Variants in SHOC1 observed in about 807,000 individuals in gnomAD.
SHOC1 encodes the protein shortage in chiasmata 1, also known as protein shortage in chiasmata 1 ortholog.
SHOC1 carries 136 observed loss-of-function variants against 179.2 expected under a neutral mutation model. The observed-to-expected ratio is 0.76, with a 90% CI of 0.66 to 0.87. The LOEUF is 0.87. SHOC1 is among the 40% of genes least tolerant of loss of function. The probability of loss-of-function intolerance (pLI) is 0.00; values close to 1 mark genes in which losing one functional copy is unlikely to be tolerated. For missense variants in SHOC1, 1,538 were observed against 1,700.8 expected (o/e 0.90, Z 1.68); for synonymous variants, 489 against 586.6 (o/e 0.83, Z 2.41).
chr9:111,691,452 A>G, intron 27 of SHOC1, 99 bp downstream of exon 27: 5 of 1,122,334 alleles, frequency 4.5e-6, no homozygotes, highest in Non-Finnish European at 6.2e-6. Flanking sequence ...AGTTTTTTAA[A>G]TGTAGTAATT....
intron 27 of SHOC1, among the ~76,000 whole-genome samples, chr9:111,691,222 C>A (rs1035905334): frequency 1.3e-5 from 2 of 152,154 alleles, no homozygotes; most frequent in African/African-American, 2.4e-5. Context: ...GTTAAATATA[C>A]CTGCTCCACA....
chr9:111,758,131 C>T lies in SHOC1; in HGVS notation c.661G>A (p.Val221Met), dbSNP rs182665280. 1.3e-6 allele frequency: 2 copies of T among 1,588,716 alleles called. No individual in the cohort carries two copies. The highest frequency in any genetic ancestry group is 1.7e-6 in the Non-Finnish European group (2 of 1,165,500). ...TCTAGTTTCTCTTGACAAAAGTTCACTTTATCCATACAAAAATCTTCTTTC... is the reference window on the plus strand; with the variant it reads ...TCTAGTTTCTCTTGACAAAAGTTCATTTTATCCATACAAAAATCTTCTTTC... ...FVKEDFCMDK[V>M]NFCQEKLEDT... Residue 221 changes from valine to methionine, a missense_variant, in exon 7 of 28, where the codon GTG becomes ATG. Coordinates refer to ENST00000682961, the MANE Select transcript of SHOC1 (RefSeq NM_001378211.1).
intron 11 of SHOC1, among the ~76,000 whole-genome samples, chr9:111,739,993 C>T (rs1370077007): frequency 6.6e-6 from 1 of 152,314 alleles, no homozygotes; most frequent in East Asian, 1.9e-4. Flanking sequence ...TAAATTAAAT[C>T]ACCACTATTT....
rs202197580 is a variant in SHOC1, at chr9:111,691,903, C to T, written c.4074G>A (p.Trp1358Ter). 67 of 1,613,760 alleles carry T rather than the reference C, an allele frequency of 4.2e-5. No homozygotes were observed. The highest frequency in any genetic ancestry group is 5.2e-5 in the Non-Finnish European group (61 of 1,179,954). The change falls in exon 27 of 28, where the codon TGG becomes TGA. Residue 1358 changes from tryptophan (W) to a stop codon, truncating the protein, a stop_gained. Transcript: ENST00000682961. LOFTEE classifies it high-confidence loss of function. ...GTTCCCATATATTTTTCTTAAAGTT[C>T]CAATGAAGAGGAGATTGAGTGCCCT... is the stretch of plus-strand genomic sequence containing the variant. ...SLEGTQSPLH[W>*]NFKKNIWEQE...
chr9:111,759,922 CT>C (rs1835064369), intron 5 of SHOC1, among the ~76,000 whole-genome samples: 1 of 152,106 alleles, frequency 6.6e-6, no homozygotes, highest in Admixed American at 6.5e-5. Context: ...ACTTAAGTTC[CT>C]GACAATCTCA....
At chr9:111,739,429 G>C (rs913949356) in intron 11 of SHOC1, among the ~76,000 whole-genome samples, 1 of 152,024 alleles carries the variant, frequency 6.6e-6, no homozygotes, top group Non-Finnish European at 1.5e-5. Context: ...TCCCTCCGAA[G>C]TTTTGTATCC....
At chr9:111,721,108 G>A (rs1188641838) in intron 15 of SHOC1, among the ~76,000 whole-genome samples, 1 of 152,152 alleles carries the variant, frequency 6.6e-6, no homozygotes, top group Non-Finnish European at 1.5e-5. Context: ...GATTTGTTAG[G>A]CAGGTTCACA....
chr9:111,704,877 A>G (rs983500417), intron 21 of SHOC1, among the ~76,000 whole-genome samples: 3 of 152,206 alleles, frequency 2.0e-5, no homozygotes, highest in Non-Finnish European at 4.4e-5. Flanking sequence ...ACTCAAAGAC[A>G]TGAACATATA....
intron 4 of SHOC1, among the ~76,000 whole-genome samples, chr9:111,780,707 A>G (rs1213317841): frequency 1.3e-5 from 2 of 152,216 alleles, no homozygotes; most frequent in African/African-American, 4.8e-5. Context: ...CAGAAAGTTT[A>G]CTAATTGATA....
chr9:111,769,986 G>GTTTTT (rs769266659), intron 5 of SHOC1, among the ~76,000 whole-genome samples: 14 of 77,624 alleles, frequency 1.8e-4, no homozygotes, highest in African/African-American at 9.2e-4. Flanking sequence ...TTTTTTTTTT[G>GTTTTT]TTTTTTTTTT....
rs771253993 is a variant in SHOC1 at position 111,727,804 on chromosome 9, T to A, written c.1663A>T (p.Thr555Ser). 6.2e-7 allele frequency: 1 copy of A among 1,613,036 alleles called. No individual in the cohort carries two copies. The highest frequency in any genetic ancestry group is 8.5e-7 in the Non-Finnish European group (1 of 1,179,596). Residue 555 changes from threonine to serine, a missense_variant, in exon 13 of 28, where the codon ACA (threonine) becomes TCA (serine). Transcript: ENST00000682961. Reference protein sequence around the residue: ...ENNDHFELDCTGPSIKSPSSS... With the variant: ...ENNDHFELDCSGPSIKSPSSS... ...GAAGGTGATTTAATAGATGGTCCTGTGCAGTCAAGTTCAAAGTGATCGTTA... is the reference window on the plus strand; with the variant it reads ...GAAGGTGATTTAATAGATGGTCCTGAGCAGTCAAGTTCAAAGTGATCGTTA...
intron 3 of SHOC1, among the ~76,000 whole-genome samples, chr9:111,782,785 T>C (rs917346708): frequency 1.3e-5 from 2 of 152,180 alleles, no homozygotes; most frequent in Non-Finnish European, 2.9e-5. Flanking sequence ...GACAGCTAAT[T>C]CACATATTAC....
At chr9:111,759,008 G>C in intron 5 of SHOC1, 160 bp from the exon 6 acceptor site, 1 of 969,318 alleles carries the variant, frequency 1.0e-6, no homozygotes, top group East Asian at 2.4e-5. Flanking sequence ...AGAGCATGTA[G>C]CATAGTTCTG....
rs771820684 is a variant in SHOC1 at position 111,746,394 on chromosome 9, G to T, written c.971-52C>A. 34 of 1,210,058 alleles carry T rather than the reference G, an allele frequency of 2.8e-5. No individual in the cohort carries two copies. The East Asian group carries it at 7.2e-4, about 26-fold the overall frequency. 75.0% of individuals were successfully genotyped at this position (1,210,058 alleles called of 1,614,324 possible). ...GTAAACATTGAATAATATTAAGTAG[G>T]CTAGGCGTGGTGGCTCACACCTGTA... On this transcript the variant is annotated intron_variant, in intron 9 of 27. Transcript: ENST00000682961.
chr9:111,749,984 T>C (rs1199767006), intron 8 of SHOC1, among the ~76,000 whole-genome samples: 3 of 152,336 alleles, frequency 2.0e-5, no homozygotes, highest in Middle Eastern at 3.4e-3. Flanking sequence ...GCAATGAACA[T>C]ACACATGCAT....
intron 2 of SHOC1, among the ~76,000 whole-genome samples, chr9:111,790,792 C>T (rs550263568): frequency 1.4e-4 from 21 of 152,106 alleles, no homozygotes; most frequent in Non-Finnish European, 1.9e-4. Flanking sequence ...ATGATCCACC[C>T]GCCTCGGCCT....
chr9:111,718,829 G>A (rs1832914726), intron 15 of SHOC1, among the ~76,000 whole-genome samples: 1 of 152,126 alleles, frequency 6.6e-6, no homozygotes, highest in Admixed American at 6.5e-5. Flanking sequence ...TTGCCTAATT[G>A]TGTTCCATTT....
intron 9 of SHOC1, among the ~76,000 whole-genome samples, chr9:111,746,553 T>C (rs1834296040): frequency 6.6e-6 from 1 of 151,982 alleles, no homozygotes; most frequent in South Asian, 2.1e-4. Flanking sequence ...CTTGTAGTCC[T>C]AGCTACCTGG....
In SHOC1 at chr9:111,761,331, C is replaced by T. The variant is rs531154696; in HGVS notation, c.443-2483G>A. Reference sequence around the variant, plus strand: ...AGCCTGGCCTACATGGCGAAACCCCCTCTCTACTAAAAATACAAAAATTAG... The same window carrying T: ...AGCCTGGCCTACATGGCGAAACCCCTTCTCTACTAAAAATACAAAAATTAG... On this transcript the variant is annotated intron_variant, in intron 5 of 27. Coordinates refer to ENST00000682961, the MANE Select transcript of SHOC1 (RefSeq NM_001378211.1). 6.6e-5 allele frequency among the ~76,000 whole-genome samples: 10 copies of T among 151,996 alleles called. No individual in the cohort carries two copies. The South Asian group carries it at 2.1e-3, about 32-fold the overall frequency.
Sources: gnomAD v4.1 joint callset for allele counts (sites outside exome capture counted in the v4.1 genomes callset) on GRCh38, gnomAD v4.1.1 for gene constraint, MANE v1.5 for transcripts, NCBI Gene and HGNC (gene_info 2026-07-23, HGNC 2026-07-21) for gene names.